The following PLPPR1 variants were observed in gnomAD, a reference collection of about 807,000 sequenced individuals.
The protein encoded by PLPPR1 is phospholipid phosphatase-related protein type 1.
In PLPPR1, 10 loss-of-function variants were observed where a neutral mutation model predicts 33.1. The ratio of observed to expected loss-of-function variants is 0.30; its 90% confidence interval spans 0.19 to 0.51. The LOEUF (loss-of-function observed/expected upper bound fraction) is 0.51, where lower values mean the gene tolerates loss of function less well. PLPPR1 is among the 20% of genes least tolerant of loss of function. The probability of loss-of-function intolerance (pLI) is 0.97; values close to 1 mark genes in which losing one functional copy is unlikely to be tolerated. For synonymous variants in PLPPR1, 151 were observed against 151.0 expected, an observed-to-expected ratio of 1.00 and a Z score of 0.00; for missense variants, 304 against 408.1, an observed-to-expected ratio of 0.74 and a Z score of 2.20.
At chr9:101,122,970 G>A (rs1302872200) in intron 1 of PLPPR1, among the ~76,000 whole-genome samples, 1 of 152,074 alleles carries the variant, frequency 6.6e-6, no homozygotes, top group Non-Finnish European at 1.5e-5. Flanking sequence ...AATGTTTTGG[G>A]GCCTCATAAA....
chr9:101,082,084 G>A (rs1830625996), intron 1 of PLPPR1, among the ~76,000 whole-genome samples: 1 of 152,194 alleles, frequency 6.6e-6, no homozygotes, highest in South Asian at 2.1e-4. Context: ...TGAGAGTGGA[G>A]GATGTAGTGG....
chr9:101,167,224 C>CAAACACACACACTA (rs112778330), intron 1 of PLPPR1, among the ~76,000 whole-genome samples: 1 of 107,730 alleles, frequency 9.3e-6, no homozygotes, highest in South Asian at 3.9e-4. Context: ...TACACACACA[C>CAAACACACACACTA]ACACACACAC....
At chr9:101,048,806 T>C (rs980163092) in intron 1 of PLPPR1, among the ~76,000 whole-genome samples, 2 of 152,196 alleles carry the variant, frequency 1.3e-5, no homozygotes, top group Non-Finnish European at 2.9e-5. Context: ...CTAGTACCCA[T>C]AGGCAATGAT....
intron 4 of PLPPR1, among the ~76,000 whole-genome samples, chr9:101,301,504 T>G: frequency 6.6e-6 from 1 of 152,314 alleles, no homozygotes; most frequent in South Asian, 2.1e-4. Flanking sequence ...TAGGTTCAGA[T>G]TAATTGACTT....
At chr9:101,239,496 C>T (rs1827406750) in intron 2 of PLPPR1, among the ~76,000 whole-genome samples, 1 of 151,770 alleles carries the variant, frequency 6.6e-6, no homozygotes. Context: ...ATACATGTGC[C>T]CCTAAATCTA....
chr9:101,151,177 A>G (rs1342319876), intron 1 of PLPPR1, among the ~76,000 whole-genome samples: 2 of 152,192 alleles, frequency 1.3e-5, no homozygotes, highest in East Asian at 3.9e-4. Flanking sequence ...AAAATAGTCT[A>G]TAAACTAGAT....
At chr9:101,093,778 C>T (rs1830779215) in intron 1 of PLPPR1, among the ~76,000 whole-genome samples, 2 of 152,200 alleles carry the variant, frequency 1.3e-5, no homozygotes, top group Admixed American at 1.3e-4. Context: ...CAGAAGTAGT[C>T]AAGGCCCAGA....
intron 1 of PLPPR1, among the ~76,000 whole-genome samples, chr9:101,150,870 A>G (rs1831575536): frequency 6.7e-6 from 1 of 148,812 alleles, no homozygotes; most frequent in Non-Finnish European, 1.5e-5. Context: ...ACATTTCAAC[A>G]TGCCTTTAAG....
At chr9:101,144,260 C>G (rs1162089554) in intron 1 of PLPPR1, among the ~76,000 whole-genome samples, 2 of 151,498 alleles carry the variant, frequency 1.3e-5, no homozygotes, top group Non-Finnish European at 2.9e-5. Flanking sequence ...ACACCGGGGC[C>G]TGTTGGGGGT....
chr9:101,053,245 C>T (rs1190230706), intron 1 of PLPPR1, among the ~76,000 whole-genome samples: 1 of 152,138 alleles, frequency 6.6e-6, no homozygotes, highest in Non-Finnish European at 1.5e-5. Context: ...AACCAGGTCT[C>T]CTCCTGGAGG....
At chr9:101,227,576 A>G (rs1307125582) in intron 2 of PLPPR1, among the ~76,000 whole-genome samples, 5 of 152,146 alleles carry the variant, frequency 3.3e-5, no homozygotes, top group Admixed American at 1.3e-4. Context: ...AGTTTCTCCC[A>G]TTCTGTATGT....
At chr9:101,269,203 T>A (rs1564022519) in intron 2 of PLPPR1, among the ~76,000 whole-genome samples, 2 of 152,144 alleles carry the variant, frequency 1.3e-5, no homozygotes, top group South Asian at 2.1e-4. Context: ...TTTTTTTTTT[T>A]ATGTCTGTCT....
intron 1 of PLPPR1, among the ~76,000 whole-genome samples, chr9:101,148,256 C>T (rs1346557408): frequency 6.6e-6 from 1 of 152,148 alleles, no homozygotes; most frequent in African/African-American, 2.4e-5. Flanking sequence ...GGGGACTCTG[C>T]CCTCTTTTAA....
At chr9:101,195,122 C>T (rs544776902) in intron 2 of PLPPR1, among the ~76,000 whole-genome samples, 12 of 152,206 alleles carry the variant, frequency 7.9e-5, no homozygotes, top group Admixed American at 4.6e-4. Flanking sequence ...CAAGCTTTTA[C>T]GGTCACTCTG....
At chr9:101,239,446 C>A (rs1395241049) in intron 2 of PLPPR1, among the ~76,000 whole-genome samples, 1 of 151,688 alleles carries the variant, frequency 6.6e-6, no homozygotes, top group Non-Finnish European at 1.5e-5. Flanking sequence ...ATTCATACCC[C>A]AAATCTCAGA....
At chr9:101,237,704 G>T (rs149010323) in intron 2 of PLPPR1, among the ~76,000 whole-genome samples, 345 of 121,950 alleles carry the variant, frequency 2.8e-3, no homozygotes, top group African/African-American at 0.011. Flanking sequence ...TATATATATA[G>T]TCTATATCTA....
chr9:101,237,883 T>C (rs189871223), intron 2 of PLPPR1, among the ~76,000 whole-genome samples: 1,701 of 138,462 alleles, frequency 0.012, 40 homozygotes, highest in African/African-American at 0.041. Context: ...CACATATATA[T>C]ATACACACAT....
At chr9:101,268,400 G>A (rs1828037410) in intron 2 of PLPPR1, among the ~76,000 whole-genome samples, 1 of 152,154 alleles carries the variant, frequency 6.6e-6, no homozygotes, top group African/African-American at 2.4e-5. Flanking sequence ...GTGGGGCAGA[G>A]GGTAAAGGCT....
At chr9:101,029,731 A>C (rs1292187894) in intron 1 of PLPPR1, among the ~76,000 whole-genome samples, 1 of 152,054 alleles carries the variant, frequency 6.6e-6, no homozygotes, top group Non-Finnish European at 1.5e-5. Context: ...CAGTGCGGGG[A>C]TAAATGATGA....
Sources: allele counts gnomAD v4.1 joint callset (sites outside exome capture counted in the v4.1 genomes callset), GRCh38; gene constraint gnomAD v4.1.1; transcripts MANE v1.5; gene names NCBI Gene and HGNC (gene_info 2026-07-23, HGNC 2026-07-21).